Variants in CNTNAP5 observed in about 807,000 individuals in gnomAD.
CNTNAP5 encodes contactin associated protein family member 5.
Under a neutral mutation model 150.2 loss-of-function variants are expected in CNTNAP5, and 72 were observed. That is an observed-to-expected ratio of 0.48 (90% CI 0.40 to 0.58). The LOEUF is 0.58. Among genes scored for constraint, CNTNAP5 ranks in the 20% least tolerant of loss-of-function variants. CNTNAP5 has a pLI of 0.00. For missense variants in CNTNAP5, 1,636 were observed against 1,626.2 expected, an observed-to-expected ratio of 1.01 and a Z score of -0.10; for synonymous variants, 672 against 619.8, an observed-to-expected ratio of 1.08 and a Z score of -1.25.
At chr2:124,273,134 A>G (rs1025892117) in intron 3 of CNTNAP5, among the ~76,000 whole-genome samples, 7 of 152,222 alleles carry the variant, frequency 4.6e-5, no homozygotes, top group African/African-American at 1.7e-4. Flanking sequence ...CATACCCAGT[A>G]TAATGCCTGT....
At chr2:124,419,800 A>G (rs919806656) in intron 4 of CNTNAP5, among the ~76,000 whole-genome samples, 4 of 151,948 alleles carry the variant, frequency 2.6e-5, no homozygotes, top group African/African-American at 9.7e-5. Flanking sequence ...AAACGAATAC[A>G]TTTCTCAGTT....
intron 2 of CNTNAP5, among the ~76,000 whole-genome samples, chr2:124,229,436 G>C (rs1325047288): frequency 6.6e-6 from 1 of 152,052 alleles, no homozygotes; most frequent in Admixed American, 6.6e-5. Flanking sequence ...TTGCCAAATA[G>C]AATTTTTGTT....
intron 3 of CNTNAP5, among the ~76,000 whole-genome samples, chr2:124,328,441 C>T (rs531685996): frequency 6.6e-6 from 1 of 152,270 alleles, no homozygotes; most frequent in South Asian, 2.1e-4. Flanking sequence ...TGAACTCATC[C>T]CAGAGCTCAA....
chr2:124,817,999 G>A (rs1035264205), intron 19 of CNTNAP5, among the ~76,000 whole-genome samples: 2 of 152,048 alleles, frequency 1.3e-5, no homozygotes, highest in Non-Finnish European at 2.9e-5. Flanking sequence ...ACACTGCAGC[G>A]GACAGTTCCA....
At chr2:124,518,591 G>GA in intron 8 of CNTNAP5, among the ~76,000 whole-genome samples, 1 of 152,228 alleles carries the variant, frequency 6.6e-6, no homozygotes, top group East Asian at 1.9e-4. Flanking sequence ...TAAGAGTATT[G>GA]AAAACATGTT....
chr2:124,864,488 A>G (rs1230408150), intron 19 of CNTNAP5, among the ~76,000 whole-genome samples: 1 of 152,062 alleles, frequency 6.6e-6, no homozygotes, highest in African/African-American at 2.4e-5. Context: ...TTCCCTTAAC[A>G]AATCTCTCTG....
At chr2:124,624,656 G>A (rs1162843257) in intron 12 of CNTNAP5, among the ~76,000 whole-genome samples, 1 of 152,140 alleles carries the variant, frequency 6.6e-6, no homozygotes, top group African/African-American at 2.4e-5. Flanking sequence ...TTGTCCTCAA[G>A]GAATTCACAG....
rs1334611011 is a variant in CNTNAP5 at position 124,093,360 on chromosome 2, G to A, written c.82+67628G>A. 3.9e-5 allele frequency among the ~76,000 whole-genome samples: 6 copies of A among 152,204 alleles called. No homozygotes were observed. In the South Asian group the frequency reaches 1.0e-3, roughly 26 times the overall value. On this transcript the variant is annotated intron_variant, in intron 1 of 23. Transcript: ENST00000682447. ...TACATAAAGCCTCTAGAAGAGACTG[G>A]CACATGATCAATTCAATGAGCAGTT...
rs147647956 is a variant in CNTNAP5, at chr2:124,626,493, G to C, written c.1876+16573G>C. On this transcript the variant is annotated intron_variant, in intron 12 of 23. Coordinates refer to ENST00000682447, the MANE Select transcript of CNTNAP5 (RefSeq NM_001367498.1). ...CTGAGTGGGTGTACCTCCCCGCTGA[G>C]CCAAGGGAAATGGTGAGGGACTGTG... Among the ~76,000 whole-genome samples the C allele has an allele frequency of 1.2e-3, 189 of 152,186 alleles. 2 individuals are homozygous for C. Among genetic ancestry groups the C allele is most frequent in the African/African-American group, 4.3e-3 (177 of 41,516 alleles).
intron 19 of CNTNAP5, among the ~76,000 whole-genome samples, chr2:124,823,635 G>T (rs1174113939): frequency 6.6e-6 from 1 of 152,132 alleles, no homozygotes; most frequent in Admixed American, 6.5e-5. Context: ...CTAAAGAGTT[G>T]TACAGGCAGA....
chr2:124,297,150 A>G (rs1573898962), intron 3 of CNTNAP5, among the ~76,000 whole-genome samples: 1 of 152,310 alleles, frequency 6.6e-6, no homozygotes, highest in East Asian at 1.9e-4. Context: ...TTAGAGCCAC[A>G]AGGAATATTT....
intron 12 of CNTNAP5, among the ~76,000 whole-genome samples, chr2:124,634,598 T>A (rs1677933871): frequency 6.6e-6 from 1 of 152,050 alleles, no homozygotes. Flanking sequence ...AGTGTTGACA[T>A]CTGGGTTCAA....
chr2:124,063,077 G>T (rs1682057274), intron 1 of CNTNAP5, among the ~76,000 whole-genome samples: 1 of 151,880 alleles, frequency 6.6e-6, no homozygotes, highest in Non-Finnish European at 1.5e-5. Flanking sequence ...CTCTCAAATT[G>T]GTTATGTTGT....
At chr2:124,819,487 TC>T (rs1326485212) in intron 19 of CNTNAP5, among the ~76,000 whole-genome samples, 5 of 152,176 alleles carry the variant, frequency 3.3e-5, no homozygotes, top group Admixed American at 2.6e-4. Flanking sequence ...ATCAAAATTT[TC>T]TTATAAAAAA....
chr2:124,046,434 A>AGAG (rs1553432331), intron 1 of CNTNAP5, among the ~76,000 whole-genome samples: 7 of 3,618 alleles, frequency 1.9e-3, no homozygotes, highest in Middle Eastern at 0.25. Context: ...CAAAAGAGAG[A>AGAG]AAAAAAAAAA....
chr2:124,560,171 C>T (rs182929656), intron 10 of CNTNAP5, among the ~76,000 whole-genome samples: 1 of 152,226 alleles, frequency 6.6e-6, no homozygotes, highest in African/African-American at 2.4e-5. Context: ...AACCCTTCTC[C>T]CAACATGCCG....
chr2:124,564,923 G>T (rs1463555363), intron 11 of CNTNAP5, among the ~76,000 whole-genome samples: 1 of 152,266 alleles, frequency 6.6e-6, no homozygotes, highest in East Asian at 1.9e-4. Flanking sequence ...CTCTTCTGAG[G>T]ACTCCAGTGA....
At chr2:124,747,576 A>G (rs531690903) in intron 14 of CNTNAP5, among the ~76,000 whole-genome samples, 191 bp downstream of exon 14, 76 of 150,170 alleles carry the variant, frequency 5.1e-4, no homozygotes, top group African/African-American at 1.9e-3. Flanking sequence ...TGTTTGGTAC[A>G]TATAAGCATG....
chr2:124,713,675 C>T (rs1242916492), intron 13 of CNTNAP5, among the ~76,000 whole-genome samples: 1 of 151,950 alleles, frequency 6.6e-6, no homozygotes, highest in Non-Finnish European at 1.5e-5. Context: ...CACGCTGGGC[C>T]ATAACGTGTT....
Sources: gnomAD v4.1 joint callset for allele counts (sites outside exome capture counted in the v4.1 genomes callset) on GRCh38, gnomAD v4.1.1 for gene constraint, MANE v1.5 for transcripts, NCBI Gene and HGNC (gene_info 2026-07-23, HGNC 2026-07-21) for gene names.